Variants in GABRA1 observed in about 807,000 individuals in gnomAD.
GABRA1 encodes the protein gamma-aminobutyric acid receptor subunit alpha-1.
GABRA1 carries 9 observed loss-of-function variants against 48.9 expected under a neutral mutation model. The observed-to-expected ratio is 0.18, with a 90% confidence interval of 0.11 to 0.32. The LOEUF is 0.32. Among genes scored for constraint, GABRA1 ranks in the 10% least tolerant of loss-of-function variants. The pLI is 1.00. For synonymous variants in GABRA1, 210 were observed against 198.7 expected, an observed-to-expected ratio of 1.06 and a Z score of -0.48; for missense variants, 285 against 553.8, an observed-to-expected ratio of 0.51 and a Z score of 4.87.
At chr5:161,879,764 A>G (rs569699081) in intron 6 of GABRA1, among the ~76,000 whole-genome samples, 1 of 152,274 alleles carries the variant, frequency 6.6e-6, no homozygotes, top group African/African-American at 2.4e-5. Context: ...TAGATGGCCT[A>G]TACATTTTCA....
At chr5:161,865,115 A>T (rs2113351845) in intron 3 of GABRA1, among the ~76,000 whole-genome samples, 1 of 152,246 alleles carries the variant, frequency 6.6e-6, no homozygotes, top group East Asian at 1.9e-4. Context: ...TGGAATGTGA[A>T]ACAGAATATA....
At chr5:161,859,610 T>C (rs1757773390) in intron 3 of GABRA1, among the ~76,000 whole-genome samples, 1 of 151,806 alleles carries the variant, frequency 6.6e-6, no homozygotes, top group South Asian at 2.1e-4. Flanking sequence ...CTTTGAGCTG[T>C]CCCGGGATGA....
chr5:161,896,064 A>G (rs1755354076), intron 9 of GABRA1, among the ~76,000 whole-genome samples, 196 bp downstream of exon 9: 1 of 152,192 alleles, frequency 6.6e-6, no homozygotes, highest in Non-Finnish European at 1.5e-5. Context: ...GAATAGATGT[A>G]CAAAGTGGAG....
intron 6 of GABRA1, among the ~76,000 whole-genome samples, 172 bp downstream of exon 6, chr5:161,875,814 CAA>C (rs1260435204): frequency 3.9e-5 from 6 of 152,098 alleles, no homozygotes; most frequent in Admixed American, 1.3e-4. Flanking sequence ...AATGTTGCTT[CAA>C]GAGAGAGCTT....
intron 7 of GABRA1, among the ~76,000 whole-genome samples, chr5:161,889,020 G>A (rs1482589817): frequency 6.6e-6 from 1 of 151,938 alleles, no homozygotes; most frequent in Non-Finnish European, 1.5e-5. Context: ...AGGAATATAT[G>A]TATGTAGTTA....
intron 2 of GABRA1, among the ~76,000 whole-genome samples, chr5:161,853,317 C>T (rs573079176): frequency 1.3e-4 from 19 of 151,690 alleles, no homozygotes; most frequent in Non-Finnish European, 2.4e-4. Flanking sequence ...CAACTAGCAA[C>T]GTTTAAATAT....
intron 3 of GABRA1, among the ~76,000 whole-genome samples, chr5:161,857,015 T>A (rs1281140081): frequency 6.6e-6 from 1 of 151,118 alleles, no homozygotes; most frequent in Admixed American, 6.6e-5. Context: ...TCCCAGTAGA[T>A]CCCAATTGCA....
rs181429589 is a variant in GABRA1 at position 161,895,988 on chromosome 5, C to T, written c.1059+120C>T. The T allele has an allele frequency of 1.0e-3, 874 of 867,088 alleles. 5 individuals carry two copies. In the African/African-American group the frequency reaches 0.013, roughly 13 times the overall value. 53.7% of individuals were successfully genotyped at this position (867,088 alleles called of 1,614,324 possible). ...GCAGAATAATAAGGATTCTTTTTTT[C>T]TTATGTCGTAAACAATTAAGTGCCA... On this transcript the variant is annotated intron_variant, in intron 9 of 9. Coordinates refer to ENST00000393943, the MANE Select transcript of GABRA1 (RefSeq NM_001127644.2).
chr5:161,897,105 C>G lies in GABRA1; in HGVS notation c.1060-6C>G, dbSNP rs1268268836. 2 of 1,613,722 alleles carry G rather than the reference C, an allele frequency of 1.2e-6. No individual in the cohort carries two copies. Reference sequence around the variant, plus strand: ...AAACAAAATGCATTGCTCTTTCTTTCTACAGCCAAAGAAAGTAAAGGATCC... The same window carrying G: ...AAACAAAATGCATTGCTCTTTCTTTGTACAGCCAAAGAAAGTAAAGGATCC... On this transcript the variant is annotated splice_polypyrimidine_tract_variant and splice_region_variant and intron_variant, in intron 9 of 9. Coordinates refer to ENST00000393943, the MANE Select transcript of GABRA1 (RefSeq NM_001127644.2).
chr5:161,873,472 T>C (rs1473905238), intron 5 of GABRA1, 135 bp downstream of exon 5: 1 of 761,382 alleles, frequency 1.3e-6, no homozygotes, highest in Non-Finnish European at 2.3e-6. Flanking sequence ...CTTAAAAATC[T>C]CTCCAACCTG....
intron 8 of GABRA1, among the ~76,000 whole-genome samples, chr5:161,894,781 T>G (rs1755283910): frequency 2.0e-5 from 3 of 152,180 alleles, no homozygotes. Flanking sequence ...GGGTATCATC[T>G]TTCTCATACT....
At chr5:161,887,446 A>G (rs1581211717) in intron 7 of GABRA1, among the ~76,000 whole-genome samples, 4 of 151,210 alleles carry the variant, frequency 2.6e-5, no homozygotes, top group African/African-American at 9.7e-5. Flanking sequence ...AGTCCTGGGA[A>G]AAAAAAAAGA....
At chr5:161,865,916 GTGTAATA>G (rs1377866564) in intron 4 of GABRA1, 128 bp downstream of exon 4, 16 of 720,058 alleles carry the variant, frequency 2.2e-5, no homozygotes, top group South Asian at 1.3e-4. Context: ...GTCTTTCTGT[GTGTAATA>G]TGTAATATGT....
intron 2 of GABRA1, chr5:161,853,600 G>A (rs1012992219): frequency 6.6e-6 from 1 of 151,808 alleles, no homozygotes; most frequent in African/African-American, 2.4e-5. Context: ...AAGAGGAATG[G>A]AAATTTGCAC....
chr5:161,888,639 T>TA, intron 7 of GABRA1, among the ~76,000 whole-genome samples: 1 of 152,190 alleles, frequency 6.6e-6, no homozygotes, highest in South Asian at 2.1e-4. Context: ...AATGAATTGT[T>TA]AGGAATAATA....
In GABRA1 at chr5:161,899,626, T is replaced by A. The variant is rs1469943961; in HGVS notation, c.*2204T>A. 3 of 152,206 alleles carry A rather than the reference T, an allele frequency of 2.0e-5. No homozygotes were observed. Among genetic ancestry groups the A allele is most frequent in the Non-Finnish European group, 4.4e-5 (3 of 68,016 alleles). 9.4% of individuals were successfully genotyped at this position (152,206 alleles called of 1,614,324 possible). A position where few individuals can be genotyped will look rare whatever the true frequency, so the allele number is the denominator to read the frequency against. ...TGTGGATAGTATTCTACTGTATAAA[T>A]GATTGCAAAGTTTATCAAAAACAAA... On this transcript the variant is annotated 3_prime_UTR_variant, in exon 10 of 10. Coordinates refer to ENST00000393943, the MANE Select transcript of GABRA1 (RefSeq NM_001127644.2).
At position 161,897,371 on chromosome 5, in the gene GABRA1, T is replaced by A. The variant is rs1755416771; in HGVS notation, c.1320T>A (p.Ala440=). The change falls in exon 10 of 10, where the codon GCT becomes GCA. Residue 440 remains alanine (A), a synonymous_variant. Coordinates refer to ENST00000393943, the MANE Select transcript of GABRA1 (RefSeq NM_001127644.2). ...GAATCTTTAACTTAGTCTACTGGGC[T>A]ACGTATTTAAACAGAGAGCCTCAGC... The part of the protein sequence containing the change: ...LFGIFNLVYW[A]TYLNREPQLK... 6.2e-7 allele frequency: 1 copy of A among 1,614,046 alleles called. No individual in the cohort carries two copies. The highest frequency in any genetic ancestry group is 8.5e-7 in the Non-Finnish European group (1 of 1,180,018).
intron 6 of GABRA1, among the ~76,000 whole-genome samples, chr5:161,880,729 C>T (rs1396430321): frequency 6.6e-6 from 1 of 152,174 alleles, no homozygotes; most frequent in Non-Finnish European, 1.5e-5. Context: ...CTGCATCACT[C>T]ACCTCAGTGA....
upstream of GABRA1, chr5:161,847,846 C>T (rs528245462): frequency 3.3e-5 from 5 of 152,190 alleles, no homozygotes; most frequent in South Asian, 8.3e-4. Context: ...ATCGGGTGTT[C>T]ATAAATTGCA....
Sources: allele counts gnomAD v4.1 joint callset (sites outside exome capture counted in the v4.1 genomes callset), GRCh38; gene constraint gnomAD v4.1.1; transcripts MANE v1.5; gene names NCBI Gene and HGNC (gene_info 2026-07-23, HGNC 2026-07-21).